SAMD3: variants seen among roughly 807,000 people sequenced by gnomAD.
SAMD3 encodes the protein sterile alpha motif domain-containing protein 3.
SAMD3 carries 63 observed loss-of-function variants against 58.5 expected under a neutral mutation model. That is an observed-to-expected ratio of 1.08 (90% CI 0.88 to 1.33). The LOEUF (loss-of-function observed/expected upper bound fraction) is 1.33. SAMD3 is among the 40% of genes most tolerant of loss of function. The probability of loss-of-function intolerance (pLI) is 0.00; values close to 1 mark genes in which losing one functional copy is unlikely to be tolerated. For missense variants in SAMD3, 604 were observed against 608.4 expected (o/e 0.99, Z 0.08); for synonymous variants, 220 against 210.3 (o/e 1.05, Z -0.40).
At chr6:130,342,070 A>C (rs1321490006) in intron 1 of SAMD3, among the ~76,000 whole-genome samples, 2 of 152,178 alleles carry the variant, frequency 1.3e-5, no homozygotes, top group Non-Finnish European at 2.9e-5. Context: ...TGGGTGGTCC[A>C]CAGAAAGACA....
At chr6:130,350,181 T>C (rs1228532368) in intron 1 of SAMD3, among the ~76,000 whole-genome samples, 1 of 152,162 alleles carries the variant, frequency 6.6e-6, no homozygotes, top group African/African-American at 2.4e-5. Flanking sequence ...ATGCCCTCTC[T>C]CACCACTCCT....
At chr6:130,281,629 T>C (rs192436851) in intron 2 of SAMD3, among the ~76,000 whole-genome samples, 33 of 152,100 alleles carry the variant, frequency 2.2e-4, no homozygotes, top group African/African-American at 6.5e-4. Context: ...GGAATTAAAA[T>C]GTATTTCAGC....
Position 130,169,013 on chromosome 6 carries a change from C to T in SAMD3, c.822+6828G>A, listed in dbSNP as rs185190125. 1.7e-4 allele frequency among the ~76,000 whole-genome samples: 26 copies of T among 152,032 alleles called. 1 individual carries two copies. In the East Asian group the frequency reaches 4.5e-3, roughly 26 times the overall value. On this transcript the variant is annotated intron_variant, in intron 8 of 11. Coordinates refer to ENST00000439090, the MANE Select transcript of SAMD3 (RefSeq NM_001017373.4). ...TAAAGAGGGGGTCTCACTATGTTGCCCAGGCTGGTTTCAATATACGTGACA... is the reference window on the plus strand; with the variant it reads ...TAAAGAGGGGGTCTCACTATGTTGCTCAGGCTGGTTTCAATATACGTGACA...
intron 9 of SAMD3, among the ~76,000 whole-genome samples, chr6:130,148,871 AC>A (rs1184143568): frequency 6.6e-6 from 1 of 152,062 alleles, no homozygotes; most frequent in African/African-American, 2.4e-5. Context: ...CTCAAAAAAA[AC>A]CCAACCAAAA....
chr6:130,192,409 C>A lies in SAMD3; in HGVS notation c.384-7786G>T, dbSNP rs568116857. On this transcript the variant is annotated intron_variant, in intron 5 of 11. Transcript: ENST00000439090. ...TCTGCCTTAACTGATGACATTCCAC[C>A]ACAAAAGAAGTGAAAATGTCCTGTT... Among the ~76,000 whole-genome samples the A allele has an allele frequency of 3.9e-4, 60 of 152,264 alleles. 1 individual carries two copies. Among genetic ancestry groups the A allele is most frequent in the African/African-American group, 1.4e-3 (59 of 41,544 alleles).
At chr6:130,203,231 A>G (rs1794803112) in intron 5 of SAMD3, among the ~76,000 whole-genome samples, 1 of 151,062 alleles carries the variant, frequency 6.6e-6, no homozygotes, top group Non-Finnish European at 1.5e-5. Context: ...CTACCCAGAC[A>G]AGAACAACAA....
rs58896049 is a variant in SAMD3 at position 130,153,666 on chromosome 6, T to TATATATATATATATATATATC, written c.1023+1158_1023+1159insGATATATATATATATATATAT. ...AAATTTCATATATATATATATATATTTATTTATTTATTTATTTTTTAAAAT... is the reference window on the plus strand; with the variant it reads ...AAATTTCATATATATATATATATATTATATATATATATATATATATCTATTTATTTATTTATTTTTTAAAAT... On this transcript the variant is annotated intron_variant, in intron 9 of 11. Coordinates refer to ENST00000439090, the MANE Select transcript of SAMD3 (RefSeq NM_001017373.4). Among the ~76,000 whole-genome samples the TATATATATATATATATATATC allele has an allele frequency of 2.3e-4, 21 of 91,150 alleles. 1 individual carries two copies. Among genetic ancestry groups the TATATATATATATATATATATC allele is most frequent in the South Asian group, 1.2e-3 (3 of 2,562 alleles). The allele number at this position is 91,150 out of a possible 152,430, so 59.8% of individuals were successfully genotyped here.
chr6:130,357,676 G>C lies in SAMD3; in HGVS notation c.-304+7444C>G, dbSNP rs532396419. Among the ~76,000 whole-genome samples, 4 of 152,228 alleles carry C rather than the reference G, an allele frequency of 2.6e-5. No homozygotes were observed. The South Asian group carries it at 8.3e-4, about 32-fold the overall frequency. ...TAGATCCTTGGCAAGTTAAACTCTC[G>C]GAGCTCCAACATTCTAATGTGTATC... On this transcript the variant is annotated intron_variant, in intron 1 of 13. Coordinates refer to the SAMD3 transcript ENST00000368134.
intron 1 of SAMD3, among the ~76,000 whole-genome samples, chr6:130,318,264 T>C (rs888003945): frequency 6.6e-6 from 1 of 152,072 alleles, no homozygotes; most frequent in Non-Finnish European, 1.5e-5. Flanking sequence ...CACTGCTCTG[T>C]TTCTGCCTAA....
intron 2 of SAMD3, among the ~76,000 whole-genome samples, chr6:130,254,371 T>G (rs757389259): frequency 1.5e-4 from 23 of 151,950 alleles, no homozygotes; most frequent in Non-Finnish European, 2.5e-4. Context: ...ATCTTTTGTA[T>G]GTTTGATAGA....
intron 5 of SAMD3, among the ~76,000 whole-genome samples, chr6:130,188,725 A>G (rs1793238281): frequency 6.6e-6 from 1 of 152,302 alleles, no homozygotes; most frequent in Middle Eastern, 3.4e-3. Context: ...AGAGCTTCAT[A>G]ACTGCATTTA....
chr6:130,315,707 T>C (rs1457941949), intron 1 of SAMD3, among the ~76,000 whole-genome samples: 1 of 152,200 alleles, frequency 6.6e-6, no homozygotes, highest in Non-Finnish European at 1.5e-5. Flanking sequence ...AATATTTTCA[T>C]TTTTTCCAAA....
chr6:130,299,637 C>A (rs1436805604), intron 2 of SAMD3, among the ~76,000 whole-genome samples: 9 of 151,678 alleles, frequency 5.9e-5, no homozygotes, highest in Non-Finnish European at 1.2e-4. Context: ...GAAATTGAGG[C>A]CAAAAAACCA....
At chr6:130,197,990 T>C (rs558128416) in intron 5 of SAMD3, among the ~76,000 whole-genome samples, 1 of 152,230 alleles carries the variant, frequency 6.6e-6, no homozygotes, top group East Asian at 1.9e-4. Context: ...TCCTCCTGGC[T>C]CATCCTGGCT....
At chr6:130,296,535 T>C (rs1327787440) in intron 2 of SAMD3, among the ~76,000 whole-genome samples, 1 of 152,176 alleles carries the variant, frequency 6.6e-6, no homozygotes, top group Non-Finnish European at 1.5e-5. Context: ...TTGTTGGGGA[T>C]GCAACTTCCC....
downstream of SAMD3, chr6:130,144,304 A>G (rs768177847): frequency 5.2e-5 from 28 of 534,602 alleles, no homozygotes; most frequent in Non-Finnish European, 8.3e-5. Flanking sequence ...CTCAAAATAA[A>G]TCGACAGCTC....
At chr6:130,223,364 T>C (rs4895867), upstream of SAMD3, among the ~76,000 whole-genome samples, 70,879 of 152,106 alleles carry the variant, frequency 0.47, 19,239 homozygotes, top group African/African-American at 0.75. Flanking sequence ...AATGTAATTC[T>C]CGTTACATAG....
chr6:130,212,759 G>T (rs114947578), intron 4 of SAMD3, among the ~76,000 whole-genome samples: 3,622 of 152,314 alleles, frequency 0.024, 136 homozygotes, highest in African/African-American at 0.081. Context: ...CTTCTAAGCT[G>T]TGCCTAAGGC....
chr6:130,277,708 T>C (rs1179803249), intron 2 of SAMD3, among the ~76,000 whole-genome samples: 1 of 152,164 alleles, frequency 6.6e-6, no homozygotes, highest in Non-Finnish European at 1.5e-5. Context: ...GCTTGGTTTA[T>C]AATGTGGTAA....
Sources: allele counts gnomAD v4.1 joint callset (sites outside exome capture counted in the v4.1 genomes callset), GRCh38; gene constraint gnomAD v4.1.1; transcripts MANE v1.5; gene names NCBI Gene and HGNC (gene_info 2026-07-23, HGNC 2026-07-21).